The following ATP1B3 variants were observed in gnomAD, a reference collection of about 807,000 sequenced individuals.
ATP1B3 encodes ATPase Na+/K+ transporting subunit beta 3.
In ATP1B3, 10 loss-of-function variants were observed where a neutral mutation model predicts 30.2. The observed-to-expected ratio is 0.33, with a 90% CI of 0.20 to 0.56. The LOEUF is 0.56. ATP1B3 is among the 20% of genes least tolerant of loss of function. ATP1B3 has a pLI of 0.90. For missense variants in ATP1B3, 238 were observed against 336.7 expected (o/e 0.71, Z 2.29); for synonymous variants, 113 against 117.0 (o/e 0.97, Z 0.22).
chr3:141,923,128 A>T (rs12490893), intron 6 of ATP1B3, among the ~76,000 whole-genome samples: 13,387 of 152,092 alleles, frequency 0.088, 727 homozygotes, highest in East Asian at 0.16. Flanking sequence ...AAATACAAAA[A>T]TTAGCCGGGC....
Position 141,915,991 on chromosome 3 carries a change from G to A in ATP1B3, c.553G>A (p.Gly185Arg). 1 of 1,606,902 alleles carries A rather than the reference G, an allele frequency of 6.2e-7. No homozygotes were observed. The highest frequency in any genetic ancestry group is 8.5e-7 in the Non-Finnish European group (1 of 1,176,348). The change falls in exon 5 of 7, where the codon GGA (glycine) becomes AGA (arginine). Residue 185 changes from glycine to arginine, a missense_variant. Physicochemically the swap from Gly to Arg is moderately radical, Grantham distance 125. Coordinates refer to ENST00000286371, the MANE Select transcript of ATP1B3 (RefSeq NM_001679.4). ...TTAGATAATTGGATTAAAGCCTGAA[G>A]GAGTGCCAAGGATAGATTGTGTTTC... ...MNRIIGLKPEGVPRIDCVSKN... is the reference protein window; with the variant it reads ...MNRIIGLKPERVPRIDCVSKN...
intron 1 of ATP1B3, among the ~76,000 whole-genome samples, chr3:141,881,845 A>G (rs1933732309): frequency 6.6e-6 from 1 of 152,196 alleles, no homozygotes; most frequent in South Asian, 2.1e-4. Context: ...CCAATGGTAC[A>G]TGTGGTGACA....
chr3:141,897,270 G>A (rs1292431801), intron 1 of ATP1B3, among the ~76,000 whole-genome samples: 2 of 152,060 alleles, frequency 1.3e-5, no homozygotes. Flanking sequence ...CTTCTCTGAT[G>A]TCCCTTTTCT....
At chr3:141,887,357 A>G (rs1339899591) in intron 1 of ATP1B3, among the ~76,000 whole-genome samples, 1 of 152,226 alleles carries the variant, frequency 6.6e-6, no homozygotes, top group Non-Finnish European at 1.5e-5. Flanking sequence ...TTCTTATAAC[A>G]AAAGTAACAC....
At chr3:141,922,152 G>A (rs895451108) in intron 6 of ATP1B3, 89 bp downstream of exon 6, 6 of 720,878 alleles carry the variant, frequency 8.3e-6, no homozygotes, top group Non-Finnish European at 9.1e-6. Context: ...GTAGGTAGAC[G>A]CCAGCCCTGT....
intron 1 of ATP1B3, among the ~76,000 whole-genome samples, chr3:141,880,614 A>G (rs903963859): frequency 4.6e-5 from 7 of 152,194 alleles, no homozygotes; most frequent in African/African-American, 1.4e-4. Flanking sequence ...TTTTTTAATG[A>G]TGAAATAGAA....
intron 1 of ATP1B3, among the ~76,000 whole-genome samples, chr3:141,903,254 G>T (rs1027743727): frequency 5.3e-5 from 8 of 152,142 alleles, no homozygotes; most frequent in African/African-American, 1.9e-4. Context: ...AATATTGGGG[G>T]TTTTGTTTAC....
At position 141,922,220 on chromosome 3, in the gene ATP1B3, A is replaced by C. The variant is rs570308951; in HGVS notation, c.669+157A>C. 1.2e-5 allele frequency: 6 copies of C among 516,712 alleles called. No individual in the cohort carries two copies. In the Admixed American group the frequency reaches 2.6e-4, roughly 23 times the overall value. The allele number at this position is 516,712 out of a possible 1,614,324, so 32.0% of individuals were successfully genotyped here. A position where few individuals can be genotyped will look rare whatever the true frequency, so the allele number is the denominator to read the frequency against. On this transcript the variant is annotated intron_variant, in intron 6 of 6. Transcript: ENST00000286371. ...TTATTTTAATGGTGATGGTAAATGGAGTTCCCACATTTACAATTCAGAACA... is the reference window on the plus strand; with the variant it reads ...TTATTTTAATGGTGATGGTAAATGGCGTTCCCACATTTACAATTCAGAACA...
At chr3:141,888,461 A>AT (rs1933877508) in intron 1 of ATP1B3, among the ~76,000 whole-genome samples, 2 of 151,646 alleles carry the variant, frequency 1.3e-5, no homozygotes, top group Admixed American at 6.6e-5. Flanking sequence ...CTGGAACTTG[A>AT]TTTTTTTTCA....
chr3:141,889,144 G>A (rs1211574778), intron 1 of ATP1B3, among the ~76,000 whole-genome samples: 3 of 152,062 alleles, frequency 2.0e-5, no homozygotes, highest in Non-Finnish European at 4.4e-5. Flanking sequence ...ATTATCACAA[G>A]AACAGCAAGG....
intron 5 of ATP1B3, among the ~76,000 whole-genome samples, chr3:141,921,325 A>G (rs940129429): frequency 2.0e-5 from 3 of 152,236 alleles, no homozygotes; most frequent in African/African-American, 4.8e-5. Flanking sequence ...CTTGATTTGT[A>G]TGTTGATAAA....
At chr3:141,894,626 A>G (rs1934025248) in intron 1 of ATP1B3, among the ~76,000 whole-genome samples, 1 of 152,216 alleles carries the variant, frequency 6.6e-6, no homozygotes, top group Non-Finnish European at 1.5e-5. Flanking sequence ...ACATTAGCCT[A>G]GACCTACACA....
At chr3:141,901,101 T>C (rs1010553463) in intron 1 of ATP1B3, among the ~76,000 whole-genome samples, 36 of 152,142 alleles carry the variant, frequency 2.4e-4, no homozygotes, top group Non-Finnish European at 3.8e-4. Context: ...TTTCTTTAGT[T>C]GGGTAATAAG....
chr3:141,884,353 A>C (rs1933790917), intron 1 of ATP1B3, among the ~76,000 whole-genome samples: 1 of 152,132 alleles, frequency 6.6e-6, no homozygotes, highest in South Asian at 2.1e-4. Flanking sequence ...GCTCATAAAA[A>C]GTGGCCTTTT....
chr3:141,900,837 C>T (rs559637749), intron 1 of ATP1B3, among the ~76,000 whole-genome samples: 2 of 152,276 alleles, frequency 1.3e-5, no homozygotes, highest in South Asian at 4.1e-4. Context: ...GGTCGGAGTG[C>T]AGTGGCACAG....
In ATP1B3 at chr3:141,876,733, C is replaced by G; in HGVS notation, c.-69C>G. The G allele has an allele frequency of 2.4e-6, 3 of 1,251,092 alleles. No individual in the cohort carries two copies. Among genetic ancestry groups the G allele is most frequent in the East Asian group, 2.7e-5 (1 of 36,806 alleles). 77.5% of individuals were successfully genotyped at this position (1,251,092 alleles called of 1,614,324 possible). On this transcript the variant is annotated 5_prime_UTR_variant, in exon 1 of 7. Transcript: ENST00000286371. ...CCGGGCTGCGCCGCCGGAGCCGGGA[C>G]GCGCCTCCGCAGCCCTCGCCGCCTC...
chr3:141,916,518 T>G (rs1559873245), intron 5 of ATP1B3: 2 of 1,279,422 alleles, frequency 1.6e-6, no homozygotes, highest in Admixed American at 2.3e-5. Context: ...CTCATAACTT[T>G]CTTTTGTTTT....
chr3:141,900,482 A>G (rs1934143549), intron 1 of ATP1B3, among the ~76,000 whole-genome samples: 1 of 152,146 alleles, frequency 6.6e-6, no homozygotes, highest in Non-Finnish European at 1.5e-5. Flanking sequence ...TAAAACTGAA[A>G]TCCTAATTTG....
At chr3:141,878,404 T>C (rs1437055504) in intron 1 of ATP1B3, among the ~76,000 whole-genome samples, 1 of 152,252 alleles carries the variant, frequency 6.6e-6, no homozygotes, top group African/African-American at 2.4e-5. Flanking sequence ...GCTTAATTGC[T>C]TGTTTCTAGA....
Sources: gnomAD v4.1 joint callset for allele counts (sites outside exome capture counted in the v4.1 genomes callset) on GRCh38, gnomAD v4.1.1 for gene constraint, MANE v1.5 for transcripts, NCBI Gene and HGNC (gene_info 2026-07-23, HGNC 2026-07-21) for gene names.